The following SPECC1 variants were observed in gnomAD, a reference collection of about 807,000 sequenced individuals.
SPECC1 encodes the protein cytospin-B.
Under a neutral mutation model 104.1 loss-of-function variants are expected in SPECC1, and 62 were observed. That is an observed-to-expected ratio of 0.60 (90% CI 0.49 to 0.74). The LOEUF is 0.74. Ranked by LOEUF, SPECC1 falls within the 30% of genes least tolerant of loss-of-function variation. SPECC1 has a pLI of 0.00. For synonymous variants in SPECC1, 513 were observed against 501.6 expected, an observed-to-expected ratio of 1.02 and a Z score of -0.30; for missense variants, 1,306 against 1,310.5, an observed-to-expected ratio of 1.00 and a Z score of 0.05.
intron 1 of SPECC1, among the ~76,000 whole-genome samples, chr17:20,068,156 C>T (rs1044938513): frequency 5.3e-5 from 8 of 152,100 alleles, no homozygotes; most frequent in African/African-American, 1.9e-4. Flanking sequence ...GACAGGATTT[C>T]GCCATGTTGG....
chr17:20,278,921 C>A (rs1038707129), intron 12 of SPECC1, among the ~76,000 whole-genome samples: 3 of 152,220 alleles, frequency 2.0e-5, no homozygotes, highest in Non-Finnish European at 2.9e-5. Flanking sequence ...CTCCTGGGGA[C>A]TGAGGGTGAT....
chr17:20,137,552 A>C (rs1205891429), intron 3 of SPECC1, among the ~76,000 whole-genome samples: 2 of 152,128 alleles, frequency 1.3e-5, no homozygotes, highest in East Asian at 3.8e-4. Context: ...ACAAAAACAA[A>C]CTTAAAAAAA....
At chr17:20,184,074 G>T (rs189969802) in intron 3 of SPECC1, among the ~76,000 whole-genome samples, 1 of 151,248 alleles carries the variant, frequency 6.6e-6, no homozygotes, top group African/African-American at 2.4e-5. Flanking sequence ...CCAGCTACTC[G>T]GGAGGCTGAG....
At chr17:20,055,245 T>A (rs78179050) in intron 1 of SPECC1, among the ~76,000 whole-genome samples, 10,762 of 146,792 alleles carry the variant, frequency 0.073, 532 homozygotes, top group African/African-American at 0.15. Flanking sequence ...ATCCATGCTG[T>A]TGCATGTTAT....
At chr17:20,156,556 C>G (rs1157204281) in intron 3 of SPECC1, among the ~76,000 whole-genome samples, 1 of 152,132 alleles carries the variant, frequency 6.6e-6, no homozygotes, top group Non-Finnish European at 1.5e-5. Context: ...GCGCGCAGGC[C>G]GCCCTCGGAC....
chr17:20,194,555 G>T lies in SPECC1; in HGVS notation c.284-9778G>T, dbSNP rs998228283. On this transcript the variant is annotated intron_variant, in intron 3 of 14. Coordinates refer to ENST00000395527, the MANE Select transcript of SPECC1 (RefSeq NM_001243439.2). ...CAGAGTCTTGCTCTGTCACCAGGCT[G>T]GAGTGCAGTGACATGATCTTGGCTC... Among the ~76,000 whole-genome samples the T allele has an allele frequency of 3.3e-5, 4 of 119,426 alleles. No homozygotes were observed. In the East Asian group the frequency reaches 1.1e-3, roughly 33 times the overall value. The allele number at this position is 119,426 out of a possible 152,430, so 78.3% of individuals were successfully genotyped here.
intron 1 of SPECC1, among the ~76,000 whole-genome samples, chr17:20,063,051 A>G (rs1264809590): frequency 1.3e-5 from 2 of 152,202 alleles, no homozygotes; most frequent in African/African-American, 4.8e-5. Flanking sequence ...GTCACTCCTT[A>G]TAATTCCCAT....
At position 20,062,356 on chromosome 17, in the gene SPECC1, A is replaced by G. The variant is rs559271355; in HGVS notation, c.-21-34275A>G. Among the ~76,000 whole-genome samples the G allele has an allele frequency of 3.9e-5, 6 of 152,130 alleles. No homozygotes were observed. In the South Asian group the frequency reaches 1.2e-3, roughly 32 times the overall value. On this transcript the variant is annotated intron_variant, in intron 1 of 14. Transcript: ENST00000395527. Reference sequence around the variant, plus strand: ...AACGCTTAACATTTCCATCCAAAAAATTTCAGGTATTTTTATTTTAAAATT... The same window carrying G: ...AACGCTTAACATTTCCATCCAAAAAGTTTCAGGTATTTTTATTTTAAAATT...
At chr17:20,232,849 G>A (rs2038682344) in intron 7 of SPECC1, among the ~76,000 whole-genome samples, 1 of 152,206 alleles carries the variant, frequency 6.6e-6, no homozygotes, top group Non-Finnish European at 1.5e-5. Context: ...CCAAGGATGT[G>A]CCTGCTTATT....
chr17:20,231,884 C>T (rs939279990), intron 6 of SPECC1, 53 bp downstream of exon 6: 68 of 1,550,782 alleles, frequency 4.4e-5, no homozygotes, highest in South Asian at 1.3e-4. Flanking sequence ...TTACCCGCTC[C>T]GAGGTGTGGA....
chr17:20,178,193 A>C (rs1296490251), intron 3 of SPECC1, among the ~76,000 whole-genome samples: 2 of 152,082 alleles, frequency 1.3e-5, no homozygotes, highest in African/African-American at 4.8e-5. Context: ...ACTCCTCTCT[A>C]TTTTAAATAA....
At chr17:20,218,224 AC>A (rs1360036291) in intron 4 of SPECC1, among the ~76,000 whole-genome samples, 6 of 152,144 alleles carry the variant, frequency 3.9e-5, no homozygotes, top group Non-Finnish European at 8.8e-5. Context: ...ATTGACTTTT[AC>A]TGTTACATGT....
chr17:20,271,589 A>C (rs2040409549), intron 12 of SPECC1, among the ~76,000 whole-genome samples: 1 of 152,154 alleles, frequency 6.6e-6, no homozygotes, highest in Non-Finnish European at 1.5e-5. Context: ...ATATCCCCAC[A>C]CATCACAAGG....
At chr17:20,220,120 G>T (rs1217287498) in intron 4 of SPECC1, among the ~76,000 whole-genome samples, 1 of 152,070 alleles carries the variant, frequency 6.6e-6, no homozygotes, top group African/African-American at 2.4e-5. Context: ...GATTCTTCCA[G>T]TTTTGTTCTT....
Position 20,207,969 on chromosome 17 carries a change from T to C in SPECC1, c.1863+2057T>C, listed in dbSNP as rs542064688. On this transcript the variant is annotated intron_variant, in intron 4 of 14. Transcript: ENST00000395527. Reference sequence around the variant, plus strand: ...ATTTTGGTTTCTTGACTAAAATTCTTTGTTCATTTAACTTTTTTTTATCCT... The same window carrying C: ...ATTTTGGTTTCTTGACTAAAATTCTCTGTTCATTTAACTTTTTTTTATCCT... Among the ~76,000 whole-genome samples, 4 of 152,362 alleles carry C rather than the reference T, an allele frequency of 2.6e-5. No individual in the cohort carries two copies. The East Asian group carries it at 7.7e-4, about 29-fold the overall frequency.
At position 20,317,603 on chromosome 17, in the gene SPECC1, G is replaced by A. The variant is rs2142293919; in HGVS notation, c.*3538G>A. 3 of 191,846 alleles carry A rather than the reference G, an allele frequency of 1.6e-5. No homozygotes were observed. Among genetic ancestry groups the A allele is most frequent in the South Asian group, 1.9e-4 (1 of 5,140 alleles). The allele number at this position is 191,846 out of a possible 1,614,324, so 11.9% of individuals were successfully genotyped here. A position where few individuals can be genotyped will look rare whatever the true frequency, so the allele number is the denominator to read the frequency against. ...TAGCTGGGTACAATGATAGGCACCT[G>A]TAATCTCAGCTGCTTGGGAGGCTGA... On this transcript the variant is annotated 3_prime_UTR_variant, in exon 15 of 15. Transcript: ENST00000395527.
intron 1 of SPECC1, among the ~76,000 whole-genome samples, chr17:20,044,315 TATGGGATTCAGTTTGAAC>T (rs2045451548): frequency 6.6e-6 from 1 of 152,120 alleles, no homozygotes; most frequent in African/African-American, 2.4e-5. Flanking sequence ...AAAGTATGGG[TATGGGATTCAGTTTGAAC>T]ATTTAGAGAA....
intron 11 of SPECC1, 51 bp downstream of exon 11, chr17:20,257,658 T>C (rs760850188): frequency 1.1e-5 from 17 of 1,595,956 alleles, no homozygotes; most frequent in Non-Finnish European, 1.4e-5. Context: ...GCTAATCACC[T>C]TTTATTCTTC....
At position 20,194,502 on chromosome 17, in the gene SPECC1, A is replaced by ATTATTTTTTTTTTTTTTTTTTTTTTTT; in HGVS notation, c.284-9829_284-9828insATTTTTTTTTTTTTTTTTTTTTTTTTT. On this transcript the variant is annotated intron_variant, in intron 3 of 14. Transcript: ENST00000395527. ...TGTGTTCTGTTAGAAAAGAGAACGA[A>ATTATTTTTTTTTTTTTTTTTTTTTTTT]TTTTTTTTTTTTTTTTTTTTTTTGA... 1.4e-3 allele frequency among the ~76,000 whole-genome samples: 118 copies of ATTATTTTTTTTTTTTTTTTTTTTTTTT among 86,528 alleles called. 26 individuals carry two copies. The highest frequency in any genetic ancestry group is 2.9e-3 in the South Asian group (7 of 2,386). 56.8% of individuals were successfully genotyped at this position (86,528 alleles called of 152,430 possible).
Sources: allele counts gnomAD v4.1 joint callset (sites outside exome capture counted in the v4.1 genomes callset), GRCh38; gene constraint gnomAD v4.1.1; transcripts MANE v1.5; gene names NCBI Gene and HGNC (gene_info 2026-07-23, HGNC 2026-07-21).